DMD: variants seen among roughly 807,000 people sequenced by gnomAD.
The protein encoded by DMD is dystrophin.
A neutral mutation model predicts 330.1 loss-of-function variants in DMD; 63 were observed. The ratio of observed to expected loss-of-function variants is 0.19; its 90% CI spans 0.16 to 0.24. The LOEUF (loss-of-function observed/expected upper bound fraction) is 0.24, where lower values mean the gene tolerates loss of function less well. Among genes scored for constraint, DMD ranks in the 10% least tolerant of loss-of-function variants. The probability of loss-of-function intolerance (pLI) is 1.00; values close to 1 mark genes in which losing one functional copy is unlikely to be tolerated. For synonymous variants in DMD, 1,223 were observed against 959.8 expected (o/e 1.27, Z -5.07); for missense variants, 3,344 against 2,684.1 (o/e 1.25, Z -5.43).
chrX:33,319,902 A>G (rs1160781674), intron 1 of DMD, among the ~76,000 whole-genome samples: 1 of 111,570 alleles, frequency 9.0e-6, no homozygotes, highest in Non-Finnish European at 1.9e-5. Flanking sequence ...AATAATTTAG[A>G]TTGAAAAAGG....
chrX:32,510,923 G>T (rs1325262951), intron 18 of DMD, among the ~76,000 whole-genome samples: 1 of 110,360 alleles, frequency 9.1e-6, no homozygotes, highest in Non-Finnish European at 1.9e-5. Flanking sequence ...AAACTTGGTA[G>T]AATCTTACCT....
Position 32,595,754 on chromosome X carries a change from G to A in DMD, c.1602+3C>T. 1 of 1,209,785 alleles carries A rather than the reference G, an allele frequency of 8.3e-7. No individual in the cohort carries two copies. The highest frequency in any genetic ancestry group is 1.1e-6 in the Non-Finnish European group (1 of 894,004). ...TTTAGTTTACTAAGCAAAATAATCT[G>A]ACCTTAAGTTGTTCTTCCAAAGCAG... On this transcript the variant is annotated splice_donor_region_variant and intron_variant, in intron 13 of 78. Coordinates refer to ENST00000357033, the MANE Select transcript of DMD (RefSeq NM_004006.3).
intron 51 of DMD, among the ~76,000 whole-genome samples, chrX:31,745,270 T>C (rs1347313251): frequency 9.0e-6 from 1 of 111,020 alleles, no homozygotes; most frequent in African/African-American, 3.3e-5. Context: ...AGCTGTGTAA[T>C]TAGTTAGCAG....
chrX:32,851,925 A>C (rs1413878465), intron 2 of DMD, among the ~76,000 whole-genome samples: 1 of 111,732 alleles, frequency 8.9e-6, no homozygotes, highest in Non-Finnish European at 1.9e-5. Flanking sequence ...TAGTCTCACC[A>C]GTGTGAGCTC....
At chrX:32,571,455 G>A (rs2052410906) in intron 15 of DMD, among the ~76,000 whole-genome samples, 1 of 111,167 alleles carries the variant, frequency 9.0e-6, no homozygotes, top group South Asian at 3.8e-4. Context: ...TGTGGTATCT[G>A]CTCAATCTTT....
chrX:32,497,387 C>T (rs867407340), intron 19 of DMD, among the ~76,000 whole-genome samples: 19 of 111,763 alleles, frequency 1.7e-4, no homozygotes, highest in Admixed American at 1.4e-3. Flanking sequence ...TTTATTTAAA[C>T]ATGTCCTTGA....
At chrX:32,842,599 T>G (rs2080266106) in intron 4 of DMD, among the ~76,000 whole-genome samples, 1 of 111,170 alleles carries the variant, frequency 9.0e-6, no homozygotes, top group African/African-American at 3.3e-5. Context: ...CAGCACTAGC[T>G]GCTGCTGGCT....
At chrX:33,302,866 T>C (rs1454258556) in intron 1 of DMD, among the ~76,000 whole-genome samples, 1 of 111,729 alleles carries the variant, frequency 9.0e-6, no homozygotes. Context: ...TGAAATGTAT[T>C]CACAATTATA....
chrX:33,285,947 G>T (rs1483110597), intron 1 of DMD, among the ~76,000 whole-genome samples: 1 of 111,922 alleles, frequency 8.9e-6, no homozygotes, highest in Non-Finnish European at 1.9e-5. Context: ...TTTCTTGCAA[G>T]AAAGAAAGAC....
At chrX:31,564,549 T>C (rs1278944101) in intron 55 of DMD, among the ~76,000 whole-genome samples, 2 of 112,169 alleles carry the variant, frequency 1.8e-5, no homozygotes, top group Non-Finnish European at 3.8e-5. Context: ...GAAATAATTT[T>C]TATTTTATAC....
At chrX:31,894,284 C>A (rs759897032) in intron 47 of DMD, among the ~76,000 whole-genome samples, 24 of 112,176 alleles carry the variant, frequency 2.1e-4, no homozygotes, top group Non-Finnish European at 4.3e-4. Context: ...AGCCGGGACT[C>A]CTGCCAGATA....
chrX:32,957,053 C>T, intron 2 of DMD, among the ~76,000 whole-genome samples: 1 of 111,567 alleles, frequency 9.0e-6, no homozygotes, highest in East Asian at 2.8e-4. Context: ...GCTTTCTAGA[C>T]AGGCTCCAGT....
chrX:31,729,602 G>T, intron 52 of DMD, 29 bp downstream of exon 52: 1 of 1,105,028 alleles, frequency 9.0e-7, no homozygotes, highest in South Asian at 1.8e-5. Flanking sequence ...ATCTTGCTTT[G>T]TGTGTCCCAT....
At chrX:32,319,156 A>C (rs1319558051) in intron 41 of DMD, among the ~76,000 whole-genome samples, 3 of 111,670 alleles carry the variant, frequency 2.7e-5, no homozygotes, top group African/African-American at 9.7e-5. Flanking sequence ...AACTTGATAA[A>C]ATTTTAGTCA....
intron 9 of DMD, 80 bp from the exon 10 acceptor site, chrX:32,645,232 G>A: frequency 9.5e-7 from 1 of 1,051,651 alleles, no homozygotes; most frequent in Non-Finnish European, 1.3e-6. Flanking sequence ...TGAATCGAAT[G>A]AAATATTTAA....
At chrX:32,662,177 T>G (rs910021989) in intron 9 of DMD, among the ~76,000 whole-genome samples, 3 of 111,947 alleles carry the variant, frequency 2.7e-5, no homozygotes, top group Non-Finnish European at 5.7e-5. Flanking sequence ...CAGTACATAT[T>G]CTATTTGGAA....
chrX:31,275,167 G>T (rs1205187106), intron 62 of DMD, among the ~76,000 whole-genome samples: 1 of 105,285 alleles, frequency 9.5e-6, no homozygotes, highest in Non-Finnish European at 2.0e-5. Flanking sequence ...GTGTGTGTGT[G>T]TGTGTGTGTG....
intron 1 of DMD, among the ~76,000 whole-genome samples, chrX:33,108,799 G>C (rs1185612503): frequency 3.2e-5 from 3 of 94,866 alleles, no homozygotes; most frequent in Non-Finnish European, 6.2e-5. Context: ...CTGGGAGGTG[G>C]AGGTTGCAGT....
intron 43 of DMD, among the ~76,000 whole-genome samples, chrX:32,254,183 A>G (rs1220593201): frequency 2.7e-5 from 3 of 111,265 alleles, no homozygotes; most frequent in Non-Finnish European, 5.7e-5. Context: ...CTGGGATTAC[A>G]AGCATGCGCC....
Sources: gnomAD v4.1 joint callset for allele counts (sites outside exome capture counted in the v4.1 genomes callset) on GRCh38, gnomAD v4.1.1 for gene constraint, MANE v1.5 for transcripts, NCBI Gene and HGNC (gene_info 2026-07-23, HGNC 2026-07-21) for gene names.